CFAP68: variants seen among roughly 807,000 people sequenced by gnomAD.
CFAP68 encodes the protein cilia and flagella associated protein 68, also known as cilia- and flagella-associated protein 68.
chr11:111,883,871 A>G, the CFAP68 span: 36 of 1,595,570 alleles, frequency 2.3e-5, no homozygotes, highest in Non-Finnish European at 3.0e-5. Context: ...ATAGCTATTC[A>G]AAGCCTTAAA....
chr11:111,883,543 A>G, the CFAP68 span, among the ~76,000 whole-genome samples: 1 of 152,104 alleles, frequency 6.6e-6, no homozygotes. Context: ...CAGTGAGCAG[A>G]AATCAAGCCA....
At chr11:111,885,145 C>G in the CFAP68 span, 1 of 149,260 alleles carries the variant, frequency 6.7e-6, no homozygotes, top group African/African-American at 2.5e-5. Flanking sequence ...GAGCGAAACT[C>G]CGTCTCAAAA....
At chr11:111,879,551 C>T in the CFAP68 span, 1 of 1,614,090 alleles carries the variant, frequency 6.2e-7, no homozygotes, top group Non-Finnish European at 8.5e-7. Flanking sequence ...CTTTTTTCAC[C>T]TCGTCTGAAA....
the CFAP68 span, chr11:111,885,466 C>T: frequency 6.6e-6 from 1 of 152,174 alleles, no homozygotes; most frequent in Non-Finnish European, 1.5e-5. Context: ...AGACCATCAA[C>T]TTGACACAGA....
the CFAP68 span, chr11:111,885,841 T>C: frequency 2.0e-5 from 3 of 152,156 alleles, no homozygotes; most frequent in African/African-American, 7.2e-5. Context: ...TTTATGTTGT[T>C]ACTCAGTAGT....
chr11:111,882,614 CTTTT>C, the CFAP68 span: 1 of 1,536,532 alleles, frequency 6.5e-7, no homozygotes, highest in Non-Finnish European at 8.8e-7. Flanking sequence ...CTAACTTTGT[CTTTT>C]TTGTTTGTTT....
chr11:111,883,261 C>T, the CFAP68 span: 2 of 1,401,052 alleles, frequency 1.4e-6, no homozygotes, highest in Non-Finnish European at 2.0e-6. Context: ...GTGACCGGCA[C>T]ATAGAAGGAA....
At chr11:111,883,752 T>A in the CFAP68 span, 1 of 1,499,880 alleles carries the variant, frequency 6.7e-7, no homozygotes, top group African/African-American at 1.4e-5. Flanking sequence ...CTTTCCTTCC[T>A]TTTTTTTTCT....
chr11:111,879,692 A>T, the CFAP68 span: 1 of 1,424,868 alleles, frequency 7.0e-7, no homozygotes, highest in Non-Finnish European at 9.9e-7. Context: ...TGGTTACGAT[A>T]TGTGGATGAA....
At chr11:111,883,832 C>T in the CFAP68 span, 1 of 1,613,616 alleles carries the variant, frequency 6.2e-7, no homozygotes, top group Non-Finnish European at 8.5e-7. Context: ...CTCCCCGATA[C>T]AAATGCACAG....
At chr11:111,880,631 T>G in the CFAP68 span, 2 of 339,602 alleles carry the variant, frequency 5.9e-6, no homozygotes, top group African/African-American at 2.2e-5. Flanking sequence ...ATCCACCCCT[T>G]GTTTAGTATA....
the CFAP68 span, chr11:111,880,638 T>C: frequency 6.9e-3 from 2,572 of 373,604 alleles, 11 homozygotes; most frequent in Middle Eastern, 0.028. Context: ...CCTTGTTTAG[T>C]ATATAATCAA....
the CFAP68 span, chr11:111,883,297 T>G: frequency 9.0e-7 from 1 of 1,115,134 alleles, no homozygotes; most frequent in Non-Finnish European, 1.3e-6. Flanking sequence ...ACTGAATAGG[T>G]GAATAAGTGA....
chr11:111,883,862 T>C, the CFAP68 span: 289 of 1,605,696 alleles, frequency 1.8e-4, no homozygotes, highest in African/African-American at 3.5e-3. Flanking sequence ...CTTACATGAA[T>C]AGCTATTCAA....
chr11:111,884,519 A>G, the CFAP68 span: 3 of 150,988 alleles, frequency 2.0e-5, no homozygotes, highest in East Asian at 5.8e-4. Flanking sequence ...GTCTACAACC[A>G]CTGTGGTCTT....
chr11:111,883,354 C>G, the CFAP68 span: 1 of 673,740 alleles, frequency 1.5e-6, no homozygotes, highest in Non-Finnish European at 2.5e-6. Flanking sequence ...CTTTGTGAGG[C>G]TGAGGCAGGC....
chr11:111,882,585 CCTTGCCTTCCCAGGTAAT>C, the CFAP68 span: 1 of 1,575,050 alleles, frequency 6.3e-7, no homozygotes, highest in Non-Finnish European at 8.6e-7. Context: ...CAGCCCAAAC[CCTTGCCTTCCCAGGTAAT>C]CTAACTTTGT....
the CFAP68 span, chr11:111,885,932 CCTATT>C: frequency 8.6e-4 from 131 of 152,018 alleles, 1 homozygote; most frequent in African/African-American, 2.8e-3. Flanking sequence ...TTTTTTCACT[CCTATT>C]CAATGCCATT....
At chr11:111,881,536 G>GT in the CFAP68 span, 1 of 1,536,052 alleles carries the variant, frequency 6.5e-7, no homozygotes, top group Non-Finnish European at 8.7e-7. Flanking sequence ...GAACAGCCAA[G>GT]TAAGGATTTC....
Sources: gnomAD v4.1 joint callset for allele counts (sites outside exome capture counted in the v4.1 genomes callset) on GRCh38, gnomAD v4.1.1 for gene constraint, MANE v1.5 for transcripts, NCBI Gene and HGNC (gene_info 2026-07-23, HGNC 2026-07-21) for gene names.